DDX59: variants seen among roughly 807,000 people sequenced by gnomAD.
The protein encoded by DDX59 is probable ATP-dependent RNA helicase DDX59.
DDX59 carries 30 observed loss-of-function variants against 51.9 expected under a neutral mutation model. That is an observed-to-expected ratio of 0.58 (90% CI 0.43 to 0.78). The LOEUF (loss-of-function observed/expected upper bound fraction) is 0.78. Among genes scored for constraint, DDX59 ranks in the 30% least tolerant of loss-of-function variants. The probability of loss-of-function intolerance (pLI) is 0.00; values close to 1 mark genes in which losing one functional copy is unlikely to be tolerated. For missense variants in DDX59, 672 were observed against 730.8 expected (o/e 0.92, Z 0.93); for synonymous variants, 255 against 253.3 (o/e 1.01, Z -0.06).
intron 1 of DDX59, among the ~76,000 whole-genome samples, chr1:200,667,838 G>A (rs1662875135): frequency 6.6e-6 from 1 of 151,626 alleles, no homozygotes; most frequent in Non-Finnish European, 1.5e-5. Context: ...TTTTCATTAT[G>A]CTATACTAGG....
downstream of DDX59, among the ~76,000 whole-genome samples, chr1:200,642,067 G>T (rs1437238521): frequency 6.6e-6 from 1 of 151,990 alleles, no homozygotes; most frequent in South Asian, 2.1e-4. Flanking sequence ...TAATAGAATG[G>T]CATTAAAAGT....
Position 200,649,120 on chromosome 1 carries a change from G to C in DDX59, c.1421C>G (p.Ser474Cys), listed in dbSNP as rs755129562. 1.3e-6 allele frequency: 2 copies of C among 1,585,502 alleles called. No individual in the cohort carries two copies. Among genetic ancestry groups the C allele is most frequent in the African/African-American group, 2.7e-5 (2 of 72,794 alleles). The change falls in exon 6 of 8, where the codon TCT becomes TGT. Residue 474 changes from serine to cysteine, a missense_variant. Physicochemically the swap from Ser to Cys is moderately radical, Grantham distance 112. Transcript: ENST00000331314. ...TATTTGCGACTTCTCTGAATGTATA[G>C]ATATGCTTTTCAGCCCTGTGATTTT... ...VQKITGLKSI[S>C]IHSEKSQIER...
chr1:200,652,201 G>A (rs1381822998), intron 4 of DDX59, among the ~76,000 whole-genome samples: 1 of 151,710 alleles, frequency 6.6e-6, no homozygotes, highest in Admixed American at 6.6e-5. Context: ...CGCACAGGCT[G>A]TAGTGTAGTG....
intron 5 of DDX59, among the ~76,000 whole-genome samples, chr1:200,650,117 T>G (rs939629942): frequency 6.6e-6 from 1 of 152,144 alleles, no homozygotes; most frequent in East Asian, 1.9e-4. Flanking sequence ...GTGCTGGGAT[T>G]ACAGGCTTGA....
intron 1 of DDX59, among the ~76,000 whole-genome samples, chr1:200,668,003 A>T (rs956225558): frequency 1.3e-5 from 2 of 152,122 alleles, no homozygotes; most frequent in African/African-American, 4.8e-5. Context: ...GCCACTTAGA[A>T]ATTAAGTGGT....
In DDX59 at chr1:200,666,134, T is replaced by C. The variant is rs2102929022; in HGVS notation, c.607A>G (p.Ile203Val). 1.9e-6 allele frequency: 3 copies of C among 1,614,200 alleles called. No homozygotes were observed. The highest frequency in any genetic ancestry group is 2.5e-6 in the Non-Finnish European group (3 of 1,180,032). The change falls in exon 2 of 8, where the codon ATT becomes GTT. Residue 203 changes from isoleucine (I) to valine (V), a missense_variant. Ile to Val is a conservative substitution (Grantham distance 29). Transcript: ENST00000331314. The part of the protein sequence containing the change: ...VQGQEVTRPI[I>V]DFEHCSLPEV... Reference sequence around the variant, plus strand: ...GGGAGACTACAATGTTCAAAGTCAATAATGGGCCTGGTGACTTCTTGCCCT... The same window carrying C: ...GGGAGACTACAATGTTCAAAGTCAACAATGGGCCTGGTGACTTCTTGCCCT...
intron 2 of DDX59, among the ~76,000 whole-genome samples, chr1:200,664,534 A>AT (rs1662588697): frequency 6.6e-6 from 1 of 151,914 alleles, no homozygotes. Context: ...CCCATATCCT[A>AT]TTTCGGGCTT....
chr1:200,646,387 CT>C (rs1355621084), intron 7 of DDX59, among the ~76,000 whole-genome samples: 1 of 151,950 alleles, frequency 6.6e-6, no homozygotes, highest in African/African-American at 2.4e-5. Flanking sequence ...TTTGGCAAGT[CT>C]TCTAGAGTAT....
chr1:200,666,672 C>T lies in DDX59; in HGVS notation c.69G>A (p.Lys23=). ...GGTCTTCTGGGTCTGGTTTAATTAT[C>T]TTAGCCACACAACTTTTGCCATCAT... ...ANDDGKSCVA[K]IIKPDPEDLQ... is the part of the protein sequence containing the mutation. The change falls in exon 2 of 8, where the codon AAG becomes AAA. Residue 23 remains lysine, a synonymous_variant. Coordinates refer to ENST00000331314, the MANE Select transcript of DDX59 (RefSeq NM_001031725.6). The T allele has an allele frequency of 6.2e-7, 1 of 1,614,188 alleles. No individual in the cohort carries two copies.
At chr1:200,648,923 G>T in intron 6 of DDX59, 151 bp downstream of exon 6, 1 of 793,914 alleles carries the variant, frequency 1.3e-6, no homozygotes, top group Non-Finnish European at 1.9e-6. Context: ...CTGAGCAAGA[G>T]AACATTAACT....
chr1:200,663,042 T>C (rs1055349659), intron 3 of DDX59, among the ~76,000 whole-genome samples: 2 of 152,186 alleles, frequency 1.3e-5, no homozygotes, highest in African/African-American at 4.8e-5. Flanking sequence ...TGATTTGACC[T>C]TCAAAAGATT....
At chr1:200,656,941 A>G (rs1662062767) in intron 4 of DDX59, among the ~76,000 whole-genome samples, 1 of 152,122 alleles carries the variant, frequency 6.6e-6, no homozygotes. Context: ...AACTAACCTT[A>G]AAATCCATAT....
rs1462783709 is a variant in DDX59, at chr1:200,666,523, T to C, written c.218A>G (p.His73Arg). The stretch of plus-strand genomic sequence containing the variant: ...CGCACCCTGCTCGGGACTTACTGAA[T>C]GAACCTCTGCCAACTGGCCACCTGG... The part of the protein sequence containing the change: ...PSPGGQLAEV[H>R]SVSPEQGAKD... The change falls in exon 2 of 8, where the codon CAT becomes CGT. Residue 73 changes from histidine to arginine, a missense_variant. Coordinates refer to ENST00000331314, the MANE Select transcript of DDX59 (RefSeq NM_001031725.6). 6 of 1,614,094 alleles carry C rather than the reference T, an allele frequency of 3.7e-6. No individual in the cohort carries two copies. The highest frequency in any genetic ancestry group is 1.7e-5 in the Admixed American group (1 of 60,004).
In DDX59 at chr1:200,659,018, A is replaced by G. The variant is rs1352250199; in HGVS notation, c.1062+9T>C. ...ATCATGTAACTGTTTTTTAAATACCACTACTTACTTCATCTACTACCACAA... is the reference window on the plus strand; with the variant it reads ...ATCATGTAACTGTTTTTTAAATACCGCTACTTACTTCATCTACTACCACAA... On this transcript the variant is annotated intron_variant, in intron 4 of 7. Coordinates refer to ENST00000331314, the MANE Select transcript of DDX59 (RefSeq NM_001031725.6). 3.1e-6 allele frequency: 5 copies of G among 1,596,048 alleles called. No homozygotes were observed. The Admixed American group carries it at 8.6e-5, about 28-fold the overall frequency.
At chr1:200,652,841 C>T (rs938649187) in intron 4 of DDX59, among the ~76,000 whole-genome samples, 5 of 151,806 alleles carry the variant, frequency 3.3e-5, no homozygotes, top group African/African-American at 1.2e-4. Flanking sequence ...CCACCGTGCC[C>T]GGCTAATTTT....
downstream of DDX59, among the ~76,000 whole-genome samples, chr1:200,641,478 C>CTCATGCTTGTAA (rs6143566): frequency 5.9e-5 from 9 of 151,638 alleles, no homozygotes; most frequent in Admixed American, 1.3e-4. Flanking sequence ...GGCGTGGTGG[C>CTCATGCTTGTAA]TCCCAGCACT....
At chr1:200,648,602 ATTTAT>A in intron 6 of DDX59, 35 bp from the exon 7 acceptor site, 1 of 1,588,580 alleles carries the variant, frequency 6.3e-7, no homozygotes, top group Non-Finnish European at 8.6e-7. Context: ...ATTATTCAGA[ATTTAT>A]TTTGTGTGGT....
At chr1:200,648,982 T>C in intron 6 of DDX59, 92 bp downstream of exon 6, 8 of 1,265,474 alleles carry the variant, frequency 6.3e-6, no homozygotes, top group Non-Finnish European at 8.6e-6. Flanking sequence ...AAAGAGGATC[T>C]GTTATAAAAA....
Position 200,649,211 on chromosome 1 carries a change from T to TA in DDX59, c.1329dup (p.Lys444Ter). The stretch of plus-strand genomic sequence containing the variant: ...TCCACAAATACTAACACTGGAGGCT[T>TA]AAAGAGTTTCTTATCCTGAAAAATT... On this transcript the variant is annotated frameshift_variant, in exon 6 of 8. Coordinates refer to ENST00000331314, the MANE Select transcript of DDX59 (RefSeq NM_001031725.6). LOFTEE classifies it high-confidence loss of function. 2 of 1,569,400 alleles carry TA rather than the reference T, an allele frequency of 1.3e-6. No individual in the cohort carries two copies. Among genetic ancestry groups the TA allele is most frequent in the Non-Finnish European group, 1.7e-6 (2 of 1,166,620 alleles).
Sources: gnomAD v4.1 joint callset for allele counts (sites outside exome capture counted in the v4.1 genomes callset) on GRCh38, gnomAD v4.1.1 for gene constraint, MANE v1.5 for transcripts, NCBI Gene and HGNC (gene_info 2026-07-23, HGNC 2026-07-21) for gene names.